SYNPO2: variants seen among roughly 807,000 people sequenced by gnomAD.
The protein encoded by SYNPO2 is synaptopodin 2, also known as synaptopodin-2.
Under a neutral mutation model 85.0 loss-of-function variants are expected in SYNPO2, and 56 were observed. The ratio of observed to expected loss-of-function variants is 0.66; its 90% CI spans 0.53 to 0.82. SYNPO2 has a LOEUF of 0.82. Ranked by LOEUF, SYNPO2 falls within the 40% of genes least tolerant of loss-of-function variation. The pLI is 0.00. For synonymous variants in SYNPO2, 602 were observed against 591.1 expected, an observed-to-expected ratio of 1.02 and a Z score of -0.27; for missense variants, 1,575 against 1,534.2, an observed-to-expected ratio of 1.03 and a Z score of -0.44.
At chr4:118,871,814 C>T (rs1731808726) in intron 1 of SYNPO2, among the ~76,000 whole-genome samples, 1 of 152,154 alleles carries the variant, frequency 6.6e-6, no homozygotes, top group East Asian at 1.9e-4. Context: ...CGTAATCCGC[C>T]CGCCTTGGCC....
chr4:119,045,950 A>T (rs1227101888), intron 4 of SYNPO2, among the ~76,000 whole-genome samples: 1 of 152,174 alleles, frequency 6.6e-6, no homozygotes, highest in Non-Finnish European at 1.5e-5. Context: ...CTTAACATAC[A>T]TTATTTAAAT....
At chr4:118,871,204 T>C (rs1731793018) in intron 1 of SYNPO2, among the ~76,000 whole-genome samples, 1 of 152,186 alleles carries the variant, frequency 6.6e-6, no homozygotes, top group Admixed American at 6.5e-5. Context: ...TAGCTTTCCT[T>C]GGAGTAGCCA....
chr4:118,992,570 C>T (rs770304446), intron 1 of SYNPO2, among the ~76,000 whole-genome samples: 1 of 152,124 alleles, frequency 6.6e-6, no homozygotes, highest in East Asian at 1.9e-4. Context: ...ATAGTTTTGA[C>T]CCCAAAGACC....
intron 1 of SYNPO2, among the ~76,000 whole-genome samples, chr4:118,914,564 A>G (rs942461948): frequency 5.3e-5 from 8 of 152,168 alleles, no homozygotes; most frequent in Non-Finnish European, 8.8e-5. Context: ...GAGGTTGGTA[A>G]GAAGACCACA....
chr4:118,976,715 T>C (rs560767210), intron 1 of SYNPO2, among the ~76,000 whole-genome samples: 65 of 151,912 alleles, frequency 4.3e-4, no homozygotes, highest in Non-Finnish European at 6.5e-4. Flanking sequence ...GATTGGTGCA[T>C]TCACAAACCT....
At chr4:118,974,526 G>A (rs1156971626) in intron 1 of SYNPO2, among the ~76,000 whole-genome samples, 1 of 152,148 alleles carries the variant, frequency 6.6e-6, no homozygotes, top group Admixed American at 6.5e-5. Flanking sequence ...GTTCAGCCTT[G>A]ATTTTTCATT....
At chr4:118,951,928 C>G (rs1734714483) in intron 1 of SYNPO2, among the ~76,000 whole-genome samples, 1 of 152,192 alleles carries the variant, frequency 6.6e-6, no homozygotes, top group Non-Finnish European at 1.5e-5. Context: ...TCCTTCCAGT[C>G]TCAGGCAAAG....
chr4:118,867,351 A>G (rs1211019805), intron 1 of SYNPO2, among the ~76,000 whole-genome samples: 1 of 152,154 alleles, frequency 6.6e-6, no homozygotes, highest in Non-Finnish European at 1.5e-5. Context: ...ATCTTACTGT[A>G]TCTGCCTGTA....
At position 118,958,021 on chromosome 4, in the gene SYNPO2, A is replaced by G. The variant is rs116711438; in HGVS notation, c.106-65409A>G. Among the ~76,000 whole-genome samples, 890 of 151,852 alleles carry G rather than the reference A, an allele frequency of 5.9e-3. 4 individuals carry two copies. Among genetic ancestry groups the G allele is most frequent in the African/African-American group, 0.02 (831 of 41,262 alleles). Reference sequence around the variant, plus strand: ...GCTGAGATGAGCTAATTCTCTAGACACATAAAAGAGCTGCTTGTTGAACTT... The same window carrying G: ...GCTGAGATGAGCTAATTCTCTAGACGCATAAAAGAGCTGCTTGTTGAACTT... On this transcript the variant is annotated intron_variant, in intron 1 of 4. Coordinates refer to ENST00000307142, the MANE Select transcript of SYNPO2 (RefSeq NM_133477.3).
intron 1 of SYNPO2, among the ~76,000 whole-genome samples, chr4:118,935,769 A>G (rs557133408): frequency 1.3e-5 from 2 of 152,386 alleles, no homozygotes; most frequent in South Asian, 2.1e-4. Context: ...CTTGTACACT[A>G]TATACATTAT....
At chr4:118,942,000 G>C (rs1173470779) in intron 1 of SYNPO2, among the ~76,000 whole-genome samples, 1 of 152,166 alleles carries the variant, frequency 6.6e-6, no homozygotes, top group Non-Finnish European at 1.5e-5. Context: ...TGTTGATTTA[G>C]GGCAGGAAAT....
chr4:119,015,433 T>C (rs1420928469), intron 1 of SYNPO2, among the ~76,000 whole-genome samples: 2 of 152,182 alleles, frequency 1.3e-5, no homozygotes, highest in Non-Finnish European at 2.9e-5. Flanking sequence ...GCAGACTTCA[T>C]ATGTCTAGAG....
At chr4:118,879,819 C>G (rs924712632) in intron 1 of SYNPO2, among the ~76,000 whole-genome samples, 8 of 152,042 alleles carry the variant, frequency 5.3e-5, no homozygotes, top group African/African-American at 1.7e-4. Context: ...ATGCGTGTGG[C>G]TGAAGAATGT....
At chr4:119,022,869 C>T (rs144845532) in intron 1 of SYNPO2, among the ~76,000 whole-genome samples, 1,748 of 151,716 alleles carry the variant, frequency 0.012, 41 homozygotes, top group African/African-American at 0.04. Flanking sequence ...CTCCACCTCC[C>T]GGGCTCATGC....
chr4:119,001,941 C>T (rs375312334), intron 1 of SYNPO2, among the ~76,000 whole-genome samples: 19 of 152,206 alleles, frequency 1.2e-4, no homozygotes, highest in Admixed American at 7.8e-4. Flanking sequence ...TATGTCACAA[C>T]GGAAGATGAA....
intron 1 of SYNPO2, among the ~76,000 whole-genome samples, chr4:118,908,134 C>T (rs1268096484): frequency 6.6e-6 from 1 of 151,952 alleles, no homozygotes; most frequent in Non-Finnish European, 1.5e-5. Flanking sequence ...TCTGATCATC[C>T]CTCTAGAATA....
At chr4:119,027,533 T>C in intron 3 of SYNPO2, 95 bp downstream of exon 3, 1 of 1,161,662 alleles carries the variant, frequency 8.6e-7, no homozygotes, top group Non-Finnish European at 1.2e-6. Flanking sequence ...ATTTTTCTTA[T>C]GTTTCTCATT....
chr4:118,900,663 T>TTCTCTC lies in SYNPO2; in HGVS notation c.105+11558_105+11563dup, dbSNP rs376467151. 6.3e-3 allele frequency among the ~76,000 whole-genome samples: 485 copies of TTCTCTC among 77,432 alleles called. 8 individuals carry two copies. The highest frequency in any genetic ancestry group is 0.021 in the Admixed American group (123 of 5,898). 50.8% of individuals were successfully genotyped at this position (77,432 alleles called of 152,430 possible). ...TTTGTAATCTTACCCTAGAATCTCT[T>TTCTCTC]TCTCTCTCTCTCTCTCTCTCTCTCT... On this transcript the variant is annotated intron_variant, in intron 1 of 4. Coordinates refer to ENST00000307142, the MANE Select transcript of SYNPO2 (RefSeq NM_133477.3).
chr4:119,028,014 G>A (rs989460432), intron 3 of SYNPO2, among the ~76,000 whole-genome samples: 2 of 152,160 alleles, frequency 1.3e-5, no homozygotes, highest in South Asian at 4.1e-4. Flanking sequence ...ACTGCAAAGT[G>A]TTTCATCTAC....
Sources: allele counts gnomAD v4.1 joint callset (sites outside exome capture counted in the v4.1 genomes callset), GRCh38; gene constraint gnomAD v4.1.1; transcripts MANE v1.5; gene names NCBI Gene and HGNC (gene_info 2026-07-23, HGNC 2026-07-21).